The following SPATA6 variants were observed in gnomAD, a reference collection of about 807,000 sequenced individuals.
SPATA6 encodes spermatogenesis-associated protein 6.
Under a neutral mutation model 65.3 loss-of-function variants are expected in SPATA6, and 56 were observed. The ratio of observed to expected loss-of-function variants is 0.86; its 90% CI spans 0.69 to 1.07. SPATA6 has a LOEUF of 1.07. SPATA6 is among the 50% of genes least tolerant of loss of function. The probability of loss-of-function intolerance (pLI) is 0.00; values close to 1 mark genes in which losing one functional copy is unlikely to be tolerated. For synonymous variants in SPATA6, 199 were observed against 213.2 expected (o/e 0.93, Z 0.58); for missense variants, 590 against 594.8 (o/e 0.99, Z 0.08).
At chr1:48,343,522 C>T (rs1423130605) in intron 11 of SPATA6, among the ~76,000 whole-genome samples, 2 of 152,070 alleles carry the variant, frequency 1.3e-5, no homozygotes, top group Non-Finnish European at 1.5e-5. Flanking sequence ...TGCATCTTTG[C>T]ATTGGATTTG....
intron 11 of SPATA6, among the ~76,000 whole-genome samples, chr1:48,345,986 C>A (rs183179263): frequency 1.3e-5 from 2 of 152,210 alleles, no homozygotes; most frequent in African/African-American, 4.8e-5. Flanking sequence ...CTCTCTAACT[C>A]ATTTTATGAG....
the SPATA6 span, among the ~76,000 whole-genome samples, chr1:48,279,396 A>G: frequency 6.6e-6 from 1 of 152,234 alleles, no homozygotes; most frequent in Admixed American, 6.5e-5. Flanking sequence ...CAAACAGGAC[A>G]AAGAGTCAAG....
chr1:48,469,452 T>C (rs970679139), intron 1 of SPATA6, among the ~76,000 whole-genome samples: 2 of 130,386 alleles, frequency 1.5e-5, no homozygotes, highest in African/African-American at 5.7e-5. Flanking sequence ...GCTACCTATT[T>C]CATAAAAACA....
chr1:48,319,426 C>A (rs1283477642), intron 11 of SPATA6, among the ~76,000 whole-genome samples: 4 of 152,084 alleles, frequency 2.6e-5, no homozygotes, highest in African/African-American at 9.7e-5. Flanking sequence ...AGGCAGATAA[C>A]TATAAGCAGC....
At chr1:48,317,525 TG>T (rs1020089111) in intron 11 of SPATA6, among the ~76,000 whole-genome samples, 1 of 147,858 alleles carries the variant, frequency 6.8e-6, no homozygotes, top group African/African-American at 2.5e-5. Context: ...TGGGGCCTGT[TG>T]TGGGGTGGGG....
At chr1:48,286,706 T>C in the SPATA6 span, among the ~76,000 whole-genome samples, 6 of 152,142 alleles carry the variant, frequency 3.9e-5, no homozygotes, top group Admixed American at 1.3e-4. Flanking sequence ...TATATTGATA[T>C]AAAGTAATAC....
intron 3 of SPATA6, among the ~76,000 whole-genome samples, chr1:48,413,456 C>CTT (rs35376845): frequency 0.028 from 3,089 of 110,770 alleles, 66 homozygotes; most frequent in South Asian, 0.046. Flanking sequence ...CGCCCGGATA[C>CTT]TTTTTTTTTT....
intron 1 of SPATA6, among the ~76,000 whole-genome samples, chr1:48,471,676 G>A (rs1481435414): frequency 6.6e-6 from 1 of 152,184 alleles, no homozygotes; most frequent in African/African-American, 2.4e-5. Context: ...AGTTAGGAGC[G>A]AGGAAAGAAC....
chr1:48,446,449 G>A (rs1421021206), intron 3 of SPATA6, among the ~76,000 whole-genome samples: 1 of 152,172 alleles, frequency 6.6e-6, no homozygotes, highest in Non-Finnish European at 1.5e-5. Flanking sequence ...CACTTGAGAA[G>A]CTACAAGGGC....
chr1:48,281,871 A>T, the SPATA6 span, among the ~76,000 whole-genome samples: 4 of 152,160 alleles, frequency 2.6e-5, no homozygotes, highest in Non-Finnish European at 2.9e-5. Context: ...AGCCTGCATC[A>T]CCAAGTCAAT....
intron 3 of SPATA6, among the ~76,000 whole-genome samples, chr1:48,414,783 A>C (rs996299364): frequency 1.3e-5 from 2 of 152,216 alleles, no homozygotes; most frequent in Admixed American, 1.3e-4. Context: ...AGTACATACT[A>C]AGTACAAATA....
At chr1:48,358,456 A>G (rs1646716823) in intron 10 of SPATA6, among the ~76,000 whole-genome samples, 1 of 152,062 alleles carries the variant, frequency 6.6e-6, no homozygotes, top group South Asian at 2.1e-4. Context: ...ATACAGATTT[A>G]AAAAATTCTG....
At chr1:48,378,593 A>G (rs1380587304) in intron 9 of SPATA6, among the ~76,000 whole-genome samples, 1 of 152,222 alleles carries the variant, frequency 6.6e-6, no homozygotes, top group Non-Finnish European at 1.5e-5. Flanking sequence ...GGAAAGAGAA[A>G]AATGAGGAAG....
intron 9 of SPATA6, among the ~76,000 whole-genome samples, chr1:48,382,547 G>A (rs1648801258): frequency 1.0e-5 from 1 of 97,590 alleles, no homozygotes; most frequent in Non-Finnish European, 2.2e-5. Context: ...GGGCAGAGGC[G>A]CCCCTCACCT....
chr1:48,315,638 G>C (rs1053932755), intron 11 of SPATA6, among the ~76,000 whole-genome samples: 1 of 152,148 alleles, frequency 6.6e-6, no homozygotes, highest in African/African-American at 2.4e-5. Flanking sequence ...ACAAGACAGG[G>C]ATGCCCTCTC....
intron 11 of SPATA6, among the ~76,000 whole-genome samples, chr1:48,312,958 T>C (rs545282602): frequency 3.1e-4 from 47 of 152,086 alleles, no homozygotes; most frequent in African/African-American, 1.1e-3. Context: ...TGATGGAAGA[T>C]CAAATGAATG....
At chr1:48,395,461 G>A (rs1650499524) in intron 7 of SPATA6, 107 bp from the exon 8 acceptor site, 1 of 619,776 alleles carries the variant, frequency 1.6e-6, no homozygotes, top group South Asian at 6.8e-5. Context: ...ATATAATCAG[G>A]GAAACATGAT....
chr1:48,449,661 C>T (rs1003481616), intron 3 of SPATA6, among the ~76,000 whole-genome samples: 6 of 152,124 alleles, frequency 3.9e-5, no homozygotes, highest in Non-Finnish European at 8.8e-5. Flanking sequence ...TGAACCACAC[C>T]TTGATTGGAT....
chr1:48,466,709 T>C (rs1657835680), intron 1 of SPATA6, among the ~76,000 whole-genome samples: 1 of 152,084 alleles, frequency 6.6e-6, no homozygotes, highest in Admixed American at 6.6e-5. Flanking sequence ...TTTTAAAGTC[T>C]ATATTCCAGC....
Sources: allele counts gnomAD v4.1 joint callset (sites outside exome capture counted in the v4.1 genomes callset), GRCh38; gene constraint gnomAD v4.1.1; transcripts MANE v1.5; gene names NCBI Gene and HGNC (gene_info 2026-07-23, HGNC 2026-07-21).